SRPX: variants seen among roughly 807,000 people sequenced by gnomAD.
SRPX encodes the protein sushi repeat containing protein X-linked, also known as sushi repeat-containing protein SRPX.
SRPX carries 24 observed loss-of-function variants against 38.1 expected under a neutral mutation model. That is an observed-to-expected ratio of 0.63 (90% confidence interval 0.46 to 0.89). SRPX has a LOEUF of 0.89. Ranked by LOEUF, SRPX falls within the 40% of genes least tolerant of loss-of-function variation. SRPX has a pLI of 0.00. For missense variants in SRPX, 416 were observed against 377.8 expected (o/e 1.10, Z -0.84); for synonymous variants, 184 against 153.8 (o/e 1.20, Z -1.45).
intron 4 of SRPX, among the ~76,000 whole-genome samples, chrX:38,170,575 T>G (rs1350182985): frequency 1.8e-5 from 2 of 111,182 alleles, no homozygotes; most frequent in South Asian, 3.9e-4. Context: ...ACTAATTGCA[T>G]GTACAATCCT....
chrX:38,154,929 GAGA>G (rs1188708821), intron 8 of SRPX, among the ~76,000 whole-genome samples: 1 of 110,708 alleles, frequency 9.0e-6, no homozygotes, highest in Non-Finnish European at 1.9e-5. Flanking sequence ...TTTGCAAGGA[GAGA>G]AGACTATTTC....
At chrX:38,163,691 T>C (rs7052736) in intron 5 of SRPX, among the ~76,000 whole-genome samples, 1,500 of 112,469 alleles carry the variant, frequency 0.013, 24 homozygotes, top group African/African-American at 0.046. Context: ...TGTCAAACTA[T>C]GAATGAAATT....
At position 38,174,222 on chromosome X, in the gene SRPX, T is replaced by G; in HGVS notation, c.287A>C (p.His96Pro). 8.7e-7 allele frequency: 1 copy of G among 1,153,042 alleles called. No individual in the cohort carries two copies. Among genetic ancestry groups the G allele is most frequent in the Non-Finnish European group, 1.2e-6 (1 of 868,533 alleles). Residue 96 changes from histidine (H) to proline (P), a missense_variant, in exon 3 of 10, where the codon CAT becomes CCT. His to Pro is a moderately conservative substitution (Grantham distance 77). Transcript: ENST00000378533. ...CTGGCAGATCAGTAGGGAAGAGCCA[T>G]GCAGCTCGTAGCCCTTCTGGCAGCG... ...DIRCQKGYEL[H>P]GSSLLICQSN...
intron 6 of SRPX, among the ~76,000 whole-genome samples, chrX:38,160,610 C>T (rs2236153): frequency 0.35 from 39,183 of 110,810 alleles, 6,012 homozygotes; most frequent in Non-Finnish European, 0.47. Context: ...TGTAGATGGA[C>T]TCACAGGCTT....
At chrX:38,194,444 A>T (rs1938957897) in intron 1 of SRPX, among the ~76,000 whole-genome samples, 1 of 112,286 alleles carries the variant, frequency 8.9e-6, no homozygotes, top group Non-Finnish European at 1.9e-5. Flanking sequence ...TTAGATTGGT[A>T]TAACTTCCTT....
intron 1 of SRPX, among the ~76,000 whole-genome samples, chrX:38,184,263 T>C (rs1938728436): frequency 9.0e-6 from 1 of 111,689 alleles, no homozygotes; most frequent in African/African-American, 3.3e-5. Flanking sequence ...CTGACCCAAA[T>C]TGGTAGATTT....
intron 1 of SRPX, among the ~76,000 whole-genome samples, chrX:38,205,159 C>A (rs191689143): frequency 4.5e-5 from 5 of 112,130 alleles, no homozygotes; most frequent in African/African-American, 1.6e-4. Flanking sequence ...GCTAGTCAGC[C>A]CTCTACAAGG....
intron 1 of SRPX, among the ~76,000 whole-genome samples, chrX:38,208,850 T>A (rs943575501): frequency 1.2e-5 from 1 of 86,354 alleles, no homozygotes; most frequent in African/African-American, 4.9e-5. Flanking sequence ...ACTAATTTCT[T>A]TTTTTTTTTT....
chrX:38,189,355 T>C (rs775051549), intron 1 of SRPX, among the ~76,000 whole-genome samples: 1 of 112,077 alleles, frequency 8.9e-6, no homozygotes, highest in Non-Finnish European at 1.9e-5. Context: ...CCATGGCACA[T>C]CATTTTAAAA....
chrX:38,215,136 T>C (rs1214809678), intron 1 of SRPX, among the ~76,000 whole-genome samples: 1 of 112,114 alleles, frequency 8.9e-6, no homozygotes, highest in Non-Finnish European at 1.9e-5. Context: ...TTTGGATCTA[T>C]TACTCAGAAG....
intron 5 of SRPX, among the ~76,000 whole-genome samples, chrX:38,161,701 C>A (rs1192367857): frequency 2.7e-5 from 3 of 111,570 alleles, no homozygotes; most frequent in Non-Finnish European, 3.8e-5. Context: ...ATCCAACAAC[C>A]CTATAAGGTA....
intron 8 of SRPX, among the ~76,000 whole-genome samples, 167 bp downstream of exon 8, chrX:38,156,729 G>A (rs1602437318): frequency 8.9e-6 from 1 of 112,398 alleles, no homozygotes; most frequent in African/African-American, 3.2e-5. Context: ...TGTTAATCAG[G>A]TTATGGCCCA....
chrX:38,213,605 T>A (rs1329605361), intron 1 of SRPX, among the ~76,000 whole-genome samples: 2 of 111,788 alleles, frequency 1.8e-5, no homozygotes, highest in African/African-American at 6.5e-5. Context: ...AGGGGCTCAG[T>A]GAACAATGCT....
chrX:38,181,192 G>A (rs1938665995), intron 1 of SRPX, among the ~76,000 whole-genome samples: 1 of 112,372 alleles, frequency 8.9e-6, no homozygotes. Context: ...GGGAGGCATG[G>A]TAGGCCAGAG....
intron 9 of SRPX, 76 bp from the exon 10 acceptor site, chrX:38,149,970 T>C: frequency 1.1e-6 from 1 of 909,570 alleles, no homozygotes. Flanking sequence ...ACCAGAGCCT[T>C]ACTGTGACAG....
intron 1 of SRPX, among the ~76,000 whole-genome samples, chrX:38,208,054 A>G (rs1939246464): frequency 8.9e-6 from 1 of 111,830 alleles, no homozygotes; most frequent in Non-Finnish European, 1.9e-5. Flanking sequence ...TGACAACCCA[A>G]ATCACTACCA....
At chrX:38,175,914 T>C (rs1938560318) in intron 2 of SRPX, among the ~76,000 whole-genome samples, 1 of 111,930 alleles carries the variant, frequency 8.9e-6, no homozygotes, top group African/African-American at 3.3e-5. Context: ...ATAATCTGTA[T>C]GTACTACATA....
chrX:38,187,007 G>A (rs1938800869), intron 1 of SRPX, among the ~76,000 whole-genome samples: 1 of 111,291 alleles, frequency 9.0e-6, no homozygotes, highest in Admixed American at 9.5e-5. Flanking sequence ...AGCTAAGAGA[G>A]CCACTGAGTC....
chrX:38,203,783 AAGGAAGGAAGGC>A (rs1236601799), intron 1 of SRPX, among the ~76,000 whole-genome samples: 1 of 112,274 alleles, frequency 8.9e-6, no homozygotes. Context: ...GAAAGAAAGA[AAGGAAGGAAGGC>A]AGGAAGGAAG....
Sources: allele counts gnomAD v4.1 joint callset (sites outside exome capture counted in the v4.1 genomes callset), GRCh38; gene constraint gnomAD v4.1.1; transcripts MANE v1.5; gene names NCBI Gene and HGNC (gene_info 2026-07-23, HGNC 2026-07-21).